Variants in VPS13B observed in about 807,000 individuals in gnomAD.
VPS13B encodes intermembrane lipid transfer protein VPS13B.
VPS13B carries 285 observed loss-of-function variants against 426.4 expected under a neutral mutation model. The observed-to-expected ratio is 0.67, with a 90% confidence interval of 0.61 to 0.74. The LOEUF (loss-of-function observed/expected upper bound fraction) is 0.74, where lower values mean the gene tolerates loss of function less well. Ranked by LOEUF, VPS13B falls within the 30% of genes least tolerant of loss-of-function variation. The pLI is 0.00. For missense variants in VPS13B, 4,537 were observed against 4,782.6 expected, an observed-to-expected ratio of 0.95 and a Z score of 1.51; for synonymous variants, 1,676 against 1,676.4, an observed-to-expected ratio of 1.00 and a Z score of 0.01.
At chr8:99,817,926 C>A in intron 45 of VPS13B, 123 bp downstream of exon 45, 1 of 1,420,486 alleles carries the variant, frequency 7.0e-7, no homozygotes, top group Non-Finnish European at 9.7e-7. Flanking sequence ...GAGTGAAAGG[C>A]TTTGAATAGT....
At chr8:99,038,963 G>T (rs1379272352) in intron 3 of VPS13B, among the ~76,000 whole-genome samples, 1 of 152,024 alleles carries the variant, frequency 6.6e-6, no homozygotes, top group African/African-American at 2.4e-5. Context: ...GGGATTATAG[G>T]CATGAGCCAC....
chr8:99,396,289 T>G (rs1814722428), intron 21 of VPS13B, among the ~76,000 whole-genome samples: 1 of 152,162 alleles, frequency 6.6e-6, no homozygotes, highest in African/African-American at 2.4e-5. Flanking sequence ...TGTAACCCTT[T>G]CATTTTATAA....
chr8:99,147,913 G>T lies in VPS13B; in HGVS notation c.1916G>T (p.Arg639Leu), dbSNP rs772958839. ...CTTCTGGAGGAATATATTCCTACTC[G>T]ACATACAAGTGTTACTCTCCTCAAA... Reference protein sequence around the residue: ...VALLEEYIPTRHTSVTLLKCT... With the variant: ...VALLEEYIPTLHTSVTLLKCT... The change falls in exon 14 of 62, where the codon CGA becomes CTA. Residue 639 changes from arginine to leucine, a missense_variant. By Grantham distance (102) the Arg-to-Leu change is moderately radical. Transcript: ENST00000357162. 3 of 1,613,012 alleles carry T rather than the reference G, an allele frequency of 1.9e-6. No homozygotes were observed. The highest frequency in any genetic ancestry group is 1.3e-5 in the African/African-American group (1 of 74,832).
rs774677234 is a variant in VPS13B at position 99,642,207 on chromosome 8, G to A, written c.5617G>A (p.Glu1873Lys). 6.8e-6 allele frequency: 11 copies of A among 1,614,132 alleles called. No homozygotes were observed. The East Asian group carries it at 2.0e-4, about 29-fold the overall frequency. The change falls in exon 34 of 62, where the codon GAA (glutamate) becomes AAA (lysine). Residue 1873 changes from glutamate (E) to lysine (K), a missense_variant. Transcript: ENST00000357162. Reference protein sequence around the residue: ...NQACISTVTAEDLLRSSISFP... With the variant: ...NQACISTVTAKDLLRSSISFP... ...GGCATGTATTTCCACGGTGACAGCA[G>A]AAGATCTCTTAAGGAGCAGCATTTC...
At chr8:99,176,792 T>A (rs1031318026) in intron 16 of VPS13B, among the ~76,000 whole-genome samples, 3 of 152,084 alleles carry the variant, frequency 2.0e-5, no homozygotes, top group Non-Finnish European at 4.4e-5. Context: ...TCTAATAAGA[T>A]TTGAGAAAAA....
At chr8:99,503,805 GAA>G (rs951979008) in intron 27 of VPS13B, among the ~76,000 whole-genome samples, 1 of 152,148 alleles carries the variant, frequency 6.6e-6, no homozygotes, top group African/African-American at 2.4e-5. Context: ...TTGAAACCCT[GAA>G]AGTCACCCAT....
chr8:99,308,520 T>A (rs1261720312), intron 19 of VPS13B, among the ~76,000 whole-genome samples: 1 of 152,232 alleles, frequency 6.6e-6, no homozygotes, highest in Non-Finnish European at 1.5e-5. Context: ...CATCCTTTTT[T>A]ATGGCTGCAT....
intron 21 of VPS13B, among the ~76,000 whole-genome samples, chr8:99,422,667 C>G (rs1350049740): frequency 6.6e-6 from 1 of 151,842 alleles, no homozygotes; most frequent in East Asian, 1.9e-4. Flanking sequence ...AGCAAGAAGT[C>G]CAAATAAGTA....
intron 30 of VPS13B, among the ~76,000 whole-genome samples, chr8:99,537,559 G>A (rs1418232001): frequency 6.6e-6 from 1 of 152,178 alleles, no homozygotes; most frequent in Non-Finnish European, 1.5e-5. Flanking sequence ...GCTGCAAATG[G>A]AAATGTATTG....
intron 23 of VPS13B, among the ~76,000 whole-genome samples, chr8:99,448,904 A>G (rs1479671593): frequency 6.6e-6 from 1 of 152,144 alleles, no homozygotes; most frequent in Non-Finnish European, 1.5e-5. Flanking sequence ...CAGATACAGG[A>G]TGTCTGAATC....
At chr8:99,315,860 T>G (rs1269355854) in intron 19 of VPS13B, among the ~76,000 whole-genome samples, 1 of 152,226 alleles carries the variant, frequency 6.6e-6, no homozygotes, top group Non-Finnish European at 1.5e-5. Context: ...GGAGGTGTCA[T>G]ATTTCTTTGC....
chr8:99,726,280 A>T (rs946451707), intron 39 of VPS13B, among the ~76,000 whole-genome samples: 3 of 152,244 alleles, frequency 2.0e-5, no homozygotes, highest in African/African-American at 7.2e-5. Flanking sequence ...TGTTAGTAGT[A>T]TATTTAGATC....
chr8:99,732,790 A>T (rs2130419134), intron 39 of VPS13B, among the ~76,000 whole-genome samples: 1 of 152,392 alleles, frequency 6.6e-6, no homozygotes, highest in South Asian at 2.1e-4. Flanking sequence ...AAAAAATAAT[A>T]ATAAATAGTT....
intron 15 of VPS13B, among the ~76,000 whole-genome samples, chr8:99,160,968 A>T (rs2132636522): frequency 1.3e-5 from 2 of 152,342 alleles, no homozygotes; most frequent in South Asian, 4.1e-4. Flanking sequence ...GTGGAAGAAC[A>T]ACAGATCACA....
rs573163540 is a variant in VPS13B at position 99,344,589 on chromosome 8, A to T, written c.2825-39619A>T. On this transcript the variant is annotated intron_variant, in intron 19 of 61. Transcript: ENST00000357162. ...GTTACTTCATATTATGTCTTCACCC[A>T]TATTTGTATTGTGAGACTTATATGG... 7.2e-5 allele frequency among the ~76,000 whole-genome samples: 11 copies of T among 152,272 alleles called. No individual in the cohort carries two copies. In the Middle Eastern group the frequency reaches 0.01, roughly 141 times the overall value.
At chr8:99,166,841 GT>G (rs1488138280) in intron 15 of VPS13B, among the ~76,000 whole-genome samples, 1 of 152,188 alleles carries the variant, frequency 6.6e-6, no homozygotes, top group Non-Finnish European at 1.5e-5. Context: ...TCAAAACAGT[GT>G]GGTACTGTTG....
intron 61 of VPS13B, 108 bp downstream of exon 61, chr8:99,871,805 G>C: frequency 6.3e-7 from 1 of 1,583,568 alleles, no homozygotes; most frequent in South Asian, 1.1e-5. Flanking sequence ...TGGAGTGGCT[G>C]CTGGAGACCA....
chr8:99,655,517 A>G (rs1160618565), intron 34 of VPS13B, among the ~76,000 whole-genome samples: 1 of 152,176 alleles, frequency 6.6e-6, no homozygotes, highest in Non-Finnish European at 1.5e-5. Context: ...GTAGGAAGGC[A>G]TAGGGAGTCC....
intron 17 of VPS13B, among the ~76,000 whole-genome samples, chr8:99,270,129 A>ATTTTTTTTTTT (rs1370378172): frequency 1.7e-3 from 28 of 16,820 alleles, no homozygotes; most frequent in East Asian, 4.9e-3. Flanking sequence ...AGATATAAGA[A>ATTTTTTTTTTT]TCTTTTTTTT....
Sources: allele counts gnomAD v4.1 joint callset (sites outside exome capture counted in the v4.1 genomes callset), GRCh38; gene constraint gnomAD v4.1.1; transcripts MANE v1.5; gene names NCBI Gene and HGNC (gene_info 2026-07-23, HGNC 2026-07-21).